Variants in LARGE1 observed in about 807,000 individuals in gnomAD.
LARGE1 encodes LARGE xylosyl- and glucuronyltransferase 1.
In LARGE1, 43 loss-of-function variants were observed where a neutral mutation model predicts 87.6. The ratio of observed to expected loss-of-function variants is 0.49; its 90% CI spans 0.38 to 0.63. The LOEUF (loss-of-function observed/expected upper bound fraction) is 0.63. Among genes scored for constraint, LARGE1 ranks in the 30% least tolerant of loss-of-function variants. The pLI is 0.00. For synonymous variants in LARGE1, 434 were observed against 394.6 expected, an observed-to-expected ratio of 1.10 and a Z score of -1.18; for missense variants, 802 against 1,000.2, an observed-to-expected ratio of 0.80 and a Z score of 2.67.
At chr22:33,392,147 T>G (rs943769564) in intron 7 of LARGE1, among the ~76,000 whole-genome samples, 19 of 126,648 alleles carry the variant, frequency 1.5e-4, no homozygotes, top group African/African-American at 3.7e-4. Context: ...AACACACGCT[T>G]CTTCTTTTTT....
At chr22:33,653,793 T>C (rs561708400) in intron 2 of LARGE1, among the ~76,000 whole-genome samples, 3 of 152,110 alleles carry the variant, frequency 2.0e-5, no homozygotes. Context: ...TTGTTCTGTG[T>C]GTTGTATGGG....
chr22:33,548,295 C>T (rs2077424024), intron 6 of LARGE1, among the ~76,000 whole-genome samples: 1 of 152,222 alleles, frequency 6.6e-6, no homozygotes. Context: ...CTGCCTTCTG[C>T]CATGACTGTA....
chr22:33,662,963 A>C (rs75645602), intron 2 of LARGE1, among the ~76,000 whole-genome samples: 2,855 of 152,110 alleles, frequency 0.019, 72 homozygotes, highest in African/African-American at 0.057. Flanking sequence ...GTGTCCAACC[A>C]CCCTTTATCA....
At chr22:33,457,334 T>C (rs1009973904) in intron 6 of LARGE1, among the ~76,000 whole-genome samples, 3 of 142,710 alleles carry the variant, frequency 2.1e-5, no homozygotes, top group Non-Finnish European at 4.5e-5. Context: ...GTATTTTTAT[T>C]AGAGACGGGG....
Position 33,886,236 on chromosome 22 carries a change from C to A in LARGE1, c.-83+33759G>T, listed in dbSNP as rs938457695. On this transcript the variant is annotated intron_variant, in intron 1 of 14. Transcript: ENST00000397394. ...CCACCTCCCATTTTCCTCTCCTACA[C>A]TTGGGGACTCAGACACTCTGACTTA... Among the ~76,000 whole-genome samples the A allele has an allele frequency of 3.9e-5, 6 of 152,160 alleles. No individual in the cohort carries two copies. The East Asian group carries it at 9.6e-4, about 24-fold the overall frequency.
chr22:33,102,972 T>C, the LARGE1 span, among the ~76,000 whole-genome samples: 6 of 151,946 alleles, frequency 3.9e-5, no homozygotes, highest in African/African-American at 1.5e-4. Context: ...ATAGAAAGGA[T>C]CTTGGAGGTT....
intron 1 of LARGE1, among the ~76,000 whole-genome samples, chr22:33,847,523 T>G (rs899063421): frequency 6.6e-6 from 1 of 152,226 alleles, no homozygotes; most frequent in African/African-American, 2.4e-5. Flanking sequence ...ATAGTTTAGA[T>G]TCTAACAATT....
intron 10 of LARGE1, among the ~76,000 whole-genome samples, chr22:33,319,738 AGCAATAGATACTGATAGAGT>A (rs1288095865): frequency 3.9e-5 from 6 of 152,104 alleles, no homozygotes; most frequent in Non-Finnish European, 7.4e-5. Flanking sequence ...ACTGGTTCTG[AGCAATAGATACTGATAGAGT>A]GCTATTGGTA....
chr22:33,566,794 A>G (rs921027638), intron 5 of LARGE1, among the ~76,000 whole-genome samples: 5 of 152,206 alleles, frequency 3.3e-5, no homozygotes, highest in African/African-American at 4.8e-5. Context: ...GTGTGTGTTT[A>G]CAATCCTTTA....
At chr22:33,410,682 T>A (rs761586773) in intron 7 of LARGE1, among the ~76,000 whole-genome samples, 2 of 152,022 alleles carry the variant, frequency 1.3e-5, no homozygotes, top group Non-Finnish European at 2.9e-5. Flanking sequence ...TTTTTTTTTA[T>A]AGCAGTGTGA....
intron 1 of LARGE1, among the ~76,000 whole-genome samples, chr22:33,885,526 T>C (rs2064819634): frequency 6.6e-6 from 1 of 152,252 alleles, no homozygotes; most frequent in South Asian, 2.1e-4. Context: ...CTACTGATAT[T>C]GATAGAGCAA....
intron 10 of LARGE1, chr22:33,322,404 G>A (rs1474443010): frequency 6.6e-6 from 1 of 152,318 alleles, no homozygotes; most frequent in Non-Finnish European, 1.5e-5. Context: ...TTTCTCAAAT[G>A]AGCTAATGCA....
At chr22:33,148,956 A>G in the LARGE1 span, among the ~76,000 whole-genome samples, 1 of 151,354 alleles carries the variant, frequency 6.6e-6, no homozygotes, top group Non-Finnish European at 1.5e-5. Flanking sequence ...TAAAAAATAT[A>G]TTTACAATGT....
intron 6 of LARGE1, among the ~76,000 whole-genome samples, chr22:33,523,914 G>A (rs1375757748): frequency 6.6e-6 from 1 of 151,986 alleles, no homozygotes; most frequent in Admixed American, 6.6e-5. Flanking sequence ...CCATTTTATC[G>A]TATGTGTTCA....
intron 2 of LARGE1, among the ~76,000 whole-genome samples, chr22:33,681,515 A>C (rs935048343): frequency 1.1e-4 from 16 of 152,212 alleles, no homozygotes; most frequent in African/African-American, 3.6e-4. Context: ...GTGAAGATTA[A>C]AACAGATAAC....
rs541662110 is a variant in LARGE1, at chr22:33,728,895, T to C, written c.106+32476A>G. 3.6e-4 allele frequency among the ~76,000 whole-genome samples: 55 copies of C among 152,314 alleles called. 1 individual carries two copies. Among genetic ancestry groups the C allele is most frequent in the African/African-American group, 1.2e-3 (50 of 41,562 alleles). On this transcript the variant is annotated intron_variant, in intron 2 of 14. Coordinates refer to ENST00000397394, the MANE Select transcript of LARGE1 (RefSeq NM_133642.5). ...CGGTTGGCCTCAGCTTTCTCTACTT[T>C]GCCAAAGAAATAATATCCAGCTTTC...
intron 11 of LARGE1, among the ~76,000 whole-genome samples, chr22:33,252,035 TAA>T (rs1927031150): frequency 6.6e-6 from 1 of 152,204 alleles, no homozygotes; most frequent in Non-Finnish European, 1.5e-5. Context: ...AAAGTGACAC[TAA>T]GTTTGTCCTG....
At chr22:33,634,674 A>AAATAATAATAAT (rs139108196) in intron 3 of LARGE1, among the ~76,000 whole-genome samples, 3 of 149,398 alleles carry the variant, frequency 2.0e-5, no homozygotes, top group Non-Finnish European at 3.0e-5. Context: ...AAAAATTTCA[A>AAATAATAATAAT]AATAATAATA....
At chr22:33,715,001 A>C (rs1455938446) in intron 2 of LARGE1, among the ~76,000 whole-genome samples, 1 of 152,198 alleles carries the variant, frequency 6.6e-6, no homozygotes, top group African/African-American at 2.4e-5. Context: ...AGAAGAGACT[A>C]TTTAAGAAGC....
Sources: gnomAD v4.1 joint callset for allele counts (sites outside exome capture counted in the v4.1 genomes callset) on GRCh38, gnomAD v4.1.1 for gene constraint, MANE v1.5 for transcripts, NCBI Gene and HGNC (gene_info 2026-07-23, HGNC 2026-07-21) for gene names.